The following DMD variants were observed in gnomAD, a reference collection of about 807,000 sequenced individuals.
The protein encoded by DMD is dystrophin.
Under a neutral mutation model 330.1 loss-of-function variants are expected in DMD, and 63 were observed. The observed-to-expected ratio is 0.19, with a 90% CI of 0.16 to 0.24. The LOEUF is 0.24. Ranked by LOEUF, DMD falls within the 10% of genes least tolerant of loss-of-function variation. The probability of loss-of-function intolerance (pLI) is 1.00; values close to 1 mark genes in which losing one functional copy is unlikely to be tolerated. For synonymous variants in DMD, 1,223 were observed against 959.8 expected, an observed-to-expected ratio of 1.27 and a Z score of -5.07; for missense variants, 3,344 against 2,684.1, an observed-to-expected ratio of 1.25 and a Z score of -5.43.
chrX:31,177,840 A>G, intron 71 of DMD, 92 bp downstream of exon 71: 1 of 861,213 alleles, frequency 1.2e-6, no homozygotes, highest in South Asian at 2.2e-5. Flanking sequence ...AAAACAAAAC[A>G]AAAGAAAACA....
At chrX:32,883,917 T>C (rs1034590095) in intron 2 of DMD, among the ~76,000 whole-genome samples, 2 of 108,953 alleles carry the variant, frequency 1.8e-5, no homozygotes, top group African/African-American at 6.7e-5. Flanking sequence ...ATGATATTCT[T>C]AATATTAATG....
chrX:33,229,785 A>G (rs1234951753), intron 1 of DMD, among the ~76,000 whole-genome samples: 5 of 112,166 alleles, frequency 4.5e-5, no homozygotes, highest in African/African-American at 1.3e-4. Flanking sequence ...AAGCTGATCC[A>G]AGTCTACTAA....
chrX:32,172,057 C>G (rs2096889573), intron 44 of DMD, among the ~76,000 whole-genome samples: 1 of 111,641 alleles, frequency 9.0e-6, no homozygotes, highest in Admixed American at 9.6e-5. Flanking sequence ...ATAGAAGGAA[C>G]AAATGAAAGC....
chrX:33,142,412 C>T (rs111643523), intron 1 of DMD, among the ~76,000 whole-genome samples: 387 of 113,128 alleles, frequency 3.4e-3, no homozygotes, highest in African/African-American at 0.012. Flanking sequence ...AAAATGCCAA[C>T]CATTCAATTT....
Position 32,403,703 on chromosome X carries a change from C to A in DMD, c.4233+8049G>T, listed in dbSNP as rs2098100574. On this transcript the variant is annotated intron_variant, in intron 30 of 78. Transcript: ENST00000357033. ...ATAGCAACACATAGGGGTGGCCTTT[C>A]AATGTTAGAACAGATTCAAAATTAA... Among the ~76,000 whole-genome samples the A allele has an allele frequency of 1.8e-5, 2 of 111,736 alleles. 1 individual carries two copies. The highest frequency in any genetic ancestry group is 7.3e-4 in the South Asian group (2 of 2,722).
rs186641538 is a variant in DMD at position 33,089,050 on chromosome X, T to C, written c.32-68850A>G. Among the ~76,000 whole-genome samples the C allele has an allele frequency of 9.6e-4, 103 of 107,004 alleles. No homozygotes were observed. The East Asian group carries it at 0.022, about 23-fold the overall frequency. The allele number at this position is 107,004 out of a possible 115,157, so 92.9% of individuals were successfully genotyped here. A position where few individuals can be genotyped will look rare whatever the true frequency, so the allele number is the denominator to read the frequency against. On this transcript the variant is annotated intron_variant, in intron 1 of 78. Coordinates refer to ENST00000357033, the MANE Select transcript of DMD (RefSeq NM_004006.3). ...GCCATGAGGAGGCTCATGATATCTA[T>C]TGCTACTCAATTCATTTTTTTTTTT...
intron 7 of DMD, among the ~76,000 whole-genome samples, chrX:32,720,406 C>T (rs185972538): frequency 3.7e-4 from 41 of 111,294 alleles, no homozygotes; most frequent in African/African-American, 1.1e-3. Context: ...CTTTTACAAT[C>T]GTTTTTTTAC....
intron 2 of DMD, among the ~76,000 whole-genome samples, chrX:33,003,567 G>T (rs1420335182): frequency 9.0e-6 from 1 of 111,174 alleles, no homozygotes; most frequent in Non-Finnish European, 1.9e-5. Context: ...TAACTATCAG[G>T]CAGTGTATTT....
chrX:32,565,584 A>C, intron 16 of DMD, 118 bp downstream of exon 16: 2 of 740,703 alleles, frequency 2.7e-6, no homozygotes, highest in Admixed American at 5.4e-5. Context: ...TTATTTAACT[A>C]AACACAGGGC....
intron 1 of DMD, among the ~76,000 whole-genome samples, chrX:33,083,558 C>A (rs972023176): frequency 1.8e-5 from 2 of 111,233 alleles, no homozygotes; most frequent in Admixed American, 9.6e-5. Flanking sequence ...TGTGACCAGA[C>A]AAATAAGGAG....
intron 50 of DMD, among the ~76,000 whole-genome samples, chrX:31,785,766 C>T (rs757531993): frequency 4.2e-4 from 47 of 111,482 alleles, no homozygotes; most frequent in Admixed American, 1.0e-3. Context: ...CATGTCCTTA[C>T]AAAGGACACG....
At chrX:33,083,294 G>T (rs1352072176) in intron 1 of DMD, among the ~76,000 whole-genome samples, 1 of 112,176 alleles carries the variant, frequency 8.9e-6, no homozygotes, top group Non-Finnish European at 1.9e-5. Context: ...GGGCTGCATG[G>T]GGAACTGAAT....
At chrX:31,387,954 T>C (rs747241136) in intron 60 of DMD, among the ~76,000 whole-genome samples, 2 of 111,175 alleles carry the variant, frequency 1.8e-5, no homozygotes, top group African/African-American at 3.3e-5. Flanking sequence ...TTTAAAATTG[T>C]TATATGATAA....
intron 44 of DMD, among the ~76,000 whole-genome samples, chrX:32,156,664 A>ACACACACG (rs1557181288): frequency 3.7e-5 from 4 of 106,769 alleles, no homozygotes; most frequent in African/African-American, 1.3e-4. Flanking sequence ...ACACACACAC[A>ACACACACG]CACGCACGCA....
chrX:33,026,313 C>CAAAAAAAAAAAAAAAAAAA lies in DMD; in HGVS notation c.32-6132_32-6114dup, dbSNP rs56794668. 6.4e-4 allele frequency among the ~76,000 whole-genome samples: 21 copies of CAAAAAAAAAAAAAAAAAAA among 32,783 alleles called. 1 individual carries two copies. The highest frequency in any genetic ancestry group is 0.071 in the Middle Eastern group (2 of 28). The allele number at this position is 32,783 out of a possible 115,157, so 28.5% of individuals were successfully genotyped here. A position where few individuals can be genotyped will look rare whatever the true frequency, so the allele number is the denominator to read the frequency against. On this transcript the variant is annotated intron_variant, in intron 1 of 78. Transcript: ENST00000357033. ...CTGGGGGACAGAGGAGACTCCGTCT[C>CAAAAAAAAAAAAAAAAAAA]AAAAAAAAAAAAAAAAAAAAAAAAA... is the stretch of plus-strand genomic sequence containing the variant.
intron 29 of DMD, among the ~76,000 whole-genome samples, chrX:32,434,365 G>A (rs1401484102): frequency 1.8e-5 from 2 of 111,694 alleles, no homozygotes; most frequent in Non-Finnish European, 3.8e-5. Flanking sequence ...AGCCAAGATC[G>A]TGCCATTGCA....
chrX:33,011,264 AG>A (rs1264348675), intron 2 of DMD, among the ~76,000 whole-genome samples: 2 of 111,644 alleles, frequency 1.8e-5, no homozygotes, highest in South Asian at 3.7e-4. Flanking sequence ...TGGCTCAACC[AG>A]CCCCACAACA....
chrX:31,798,318 G>C (rs771981238), intron 50 of DMD, among the ~76,000 whole-genome samples: 149 of 110,244 alleles, frequency 1.4e-3, no homozygotes, highest in African/African-American at 4.8e-3. Flanking sequence ...GCAGGAGGTT[G>C]AAAGTTCTCC....
chrX:32,775,824 G>A (rs2074084050), intron 7 of DMD, among the ~76,000 whole-genome samples: 1 of 112,952 alleles, frequency 8.9e-6, no homozygotes, highest in Non-Finnish European at 1.9e-5. Context: ...GCAAATTTCT[G>A]CAGCAGGCTT....
Sources: gnomAD v4.1 joint callset for allele counts (sites outside exome capture counted in the v4.1 genomes callset) on GRCh38, gnomAD v4.1.1 for gene constraint, MANE v1.5 for transcripts, NCBI Gene and HGNC (gene_info 2026-07-23, HGNC 2026-07-21) for gene names.